ITGAE: variants seen among roughly 807,000 people sequenced by gnomAD.
The protein encoded by ITGAE is integrin subunit alpha E, also known as integrin alpha-E.
In ITGAE, 99 loss-of-function variants were observed where a neutral mutation model predicts 136.5. The observed-to-expected ratio is 0.73, with a 90% CI of 0.62 to 0.86. The LOEUF (loss-of-function observed/expected upper bound fraction) is 0.86. ITGAE is among the 40% of genes least tolerant of loss of function. ITGAE has a pLI of 0.00. For synonymous variants in ITGAE, 613 were observed against 591.8 expected, an observed-to-expected ratio of 1.04 and a Z score of -0.52; for missense variants, 1,447 against 1,515.3, an observed-to-expected ratio of 0.95 and a Z score of 0.75.
At chr17:3,720,462 G>C (rs959196714) in intron 28 of ITGAE, 60 bp from the exon 29 acceptor site, 1 of 793,172 alleles carries the variant, frequency 1.3e-6, no homozygotes, top group African/African-American at 1.7e-5. Context: ...AACTCACTGT[G>C]TTTGAACAGC....
At chr17:3,778,312 C>T (rs1240016698) in intron 1 of ITGAE, among the ~76,000 whole-genome samples, 2 of 152,188 alleles carry the variant, frequency 1.3e-5, no homozygotes, top group Non-Finnish European at 2.9e-5. Context: ...CCTGTAATCC[C>T]AGCACTTTGG....
At chr17:3,785,234 C>T (rs536002929) in intron 1 of ITGAE, among the ~76,000 whole-genome samples, 5 of 152,008 alleles carry the variant, frequency 3.3e-5, no homozygotes, top group East Asian at 1.9e-4. Flanking sequence ...TTTGGGAGGC[C>T]GAGGCAGGCG....
intron 10 of ITGAE, 100 bp downstream of exon 10, chr17:3,756,884 G>T: frequency 7.8e-7 from 1 of 1,282,140 alleles, no homozygotes; most frequent in South Asian, 1.4e-5. Flanking sequence ...TCAGGGAGAT[G>T]ATGGGAGTTG....
At chr17:3,756,400 A>ATT (rs34579296) in intron 10 of ITGAE, among the ~76,000 whole-genome samples, 8 of 119,380 alleles carry the variant, frequency 6.7e-5, no homozygotes, top group East Asian at 2.4e-4. Context: ...CGCCTGGCTA[A>ATT]TTTTTTTTTT....
chr17:3,715,292 G>A (rs910231424), intron 30 of ITGAE, among the ~76,000 whole-genome samples: 1 of 152,180 alleles, frequency 6.6e-6, no homozygotes, highest in Admixed American at 6.5e-5. Context: ...GACAGAAGGA[G>A]ATCAAGTACA....
rs1048719761 is a variant in ITGAE at position 3,799,651 on chromosome 17, T to C, written c.34+1460A>G. Among the ~76,000 whole-genome samples the C allele has an allele frequency of 6.6e-6, 1 of 152,030 alleles. No homozygotes were observed. The highest frequency in any genetic ancestry group is 6.6e-5 in the Admixed American group (1 of 15,260). On this transcript the variant is annotated intron_variant, in intron 1 of 30. Coordinates refer to ENST00000263087, the MANE Select transcript of ITGAE (RefSeq NM_002208.5). The surrounding 1 kb of genome is among the most constrained non-coding windows in gnomAD (Gnocchi z 4.1). Reference sequence around the variant, plus strand: ...TGGGAGAGGGTAGACAAGAGTCTAGTCTAAGCATCTGCTCCAGATATTCTT... The same window carrying C: ...TGGGAGAGGGTAGACAAGAGTCTAGCCTAAGCATCTGCTCCAGATATTCTT...
Position 3,716,929 on chromosome 17 carries a change from A to G in ITGAE, c.3334-131T>C, listed in dbSNP as rs538242753. ...TGTATTGATCAAAGCTGATGACAGT[A>G]AAGCAAAAAGCTAGATATTCCCTGA... On this transcript the variant is annotated intron_variant, in intron 29 of 30. Transcript: ENST00000263087. 7.0e-5 allele frequency: 42 copies of G among 602,540 alleles called. No homozygotes were observed. In the African/African-American group the frequency reaches 7.2e-4, roughly 10 times the overall value. The allele number at this position is 602,540 out of a possible 1,614,324, so 37.3% of individuals were successfully genotyped here.
In ITGAE at chr17:3,761,398, C is replaced by G. The variant is rs757241896; in HGVS notation, c.433+5G>C. On this transcript the variant is annotated splice_donor_5th_base_variant and intron_variant, in intron 5 of 30. Coordinates refer to ENST00000263087, the MANE Select transcript of ITGAE (RefSeq NM_002208.5). Reference sequence around the variant, plus strand: ...ATCCAAGGCCAGTGAATGTCCAATCCTTACCAAGGTCGAAGAAGTTGGCCT... The same window carrying G: ...ATCCAAGGCCAGTGAATGTCCAATCGTTACCAAGGTCGAAGAAGTTGGCCT... The G allele has an allele frequency of 3.1e-6, 5 of 1,608,652 alleles. No individual in the cohort carries two copies. The highest frequency in any genetic ancestry group is 4.2e-6 in the Non-Finnish European group (5 of 1,177,582).
At chr17:3,786,317 C>T (rs899507943) in intron 1 of ITGAE, among the ~76,000 whole-genome samples, 1 of 152,010 alleles carries the variant, frequency 6.6e-6, no homozygotes, top group Non-Finnish European at 1.5e-5. Context: ...AGATATTTTA[C>T]TCATGACTAA....
intron 20 of ITGAE, among the ~76,000 whole-genome samples, chr17:3,736,597 T>C (rs565656303): frequency 6.6e-6 from 1 of 152,150 alleles, no homozygotes; most frequent in Admixed American, 6.6e-5. Flanking sequence ...GTTTAAGACA[T>C]GGGTCCACAT....
chr17:3,749,232 T>TG (rs2051798555), intron 16 of ITGAE, among the ~76,000 whole-genome samples: 1 of 128,314 alleles, frequency 7.8e-6, no homozygotes, highest in Non-Finnish European at 1.6e-5. Flanking sequence ...GAATGAAGGG[T>TG]GGGGGGAGAT....
intron 26 of ITGAE, chr17:3,724,330 C>A: frequency 6.3e-7 from 1 of 1,589,398 alleles, no homozygotes; most frequent in Non-Finnish European, 8.5e-7. Context: ...CCCTGCGGCC[C>A]GCTCCGACTT....
At chr17:3,796,142 T>TGTGTGC (rs1466836066) in intron 1 of ITGAE, among the ~76,000 whole-genome samples, 1 of 113,626 alleles carries the variant, frequency 8.8e-6, no homozygotes, top group Non-Finnish European at 1.9e-5. Context: ...TCCATGTGTG[T>TGTGTGC]GCATCCGTGT....
chr17:3,796,078 TC>T (rs1227899050), intron 1 of ITGAE, among the ~76,000 whole-genome samples: 2 of 133,962 alleles, frequency 1.5e-5, no homozygotes. Context: ...TGTTTGTGCA[TC>T]CCTGTGTATG....
At chr17:3,761,879 C>T in intron 4 of ITGAE, 36 bp downstream of exon 4, 2 of 1,587,104 alleles carry the variant, frequency 1.3e-6, no homozygotes, top group Non-Finnish European at 1.7e-6. Flanking sequence ...GCACCAGCCT[C>T]CCTAAGGCCC....
Position 3,735,044 on chromosome 17 carries a change from G to A in ITGAE, c.2523-95C>T. On this transcript the variant is annotated intron_variant, in intron 20 of 30. Transcript: ENST00000263087. ...ACATTCACCGAGGCTAGAGCGTGGTGCTGTGGTGCAATGATCACGGCTCAC... is the reference window on the plus strand; with the variant it reads ...ACATTCACCGAGGCTAGAGCGTGGTACTGTGGTGCAATGATCACGGCTCAC... 6 of 1,423,656 alleles carry A rather than the reference G, an allele frequency of 4.2e-6. No individual in the cohort carries two copies. In the South Asian group the frequency reaches 7.4e-5, roughly 18 times the overall value. 88.2% of individuals were successfully genotyped at this position (1,423,656 alleles called of 1,614,324 possible).
intron 20 of ITGAE, among the ~76,000 whole-genome samples, chr17:3,737,527 G>A (rs1214258668): frequency 6.6e-6 from 1 of 151,988 alleles, no homozygotes; most frequent in African/African-American, 2.4e-5. Context: ...GGTGGAAGAA[G>A]ATGCGTTCAA....
intron 2 of ITGAE, among the ~76,000 whole-genome samples, chr17:3,772,236 TC>T (rs945722448): frequency 1.3e-5 from 2 of 151,988 alleles, no homozygotes; most frequent in Non-Finnish European, 2.9e-5. Context: ...ACCTCGGACG[TC>T]CCCCAACAGA....
At chr17:3,725,792 G>C in intron 26 of ITGAE, 1 of 1,605,412 alleles carries the variant, frequency 6.2e-7, no homozygotes, top group Non-Finnish European at 8.5e-7. Flanking sequence ...GAACCAAGTT[G>C]TCTTCCTTGG....
Sources: gnomAD v4.1 joint callset for allele counts (sites outside exome capture counted in the v4.1 genomes callset) on GRCh38, gnomAD v4.1.1 for gene constraint, Gnocchi (gnomAD v3.1) non-coding constraint, MANE v1.5 for transcripts, NCBI Gene and HGNC (gene_info 2026-07-23, HGNC 2026-07-21) for gene names.